Variants in RBMS3 observed in about 807,000 individuals in gnomAD.
RBMS3 encodes RNA-binding motif, single-stranded-interacting protein 3.
In RBMS3, 27 loss-of-function variants were observed where a neutral mutation model predicts 66.8. The ratio of observed to expected loss-of-function variants is 0.40; its 90% CI spans 0.30 to 0.56. The LOEUF (loss-of-function observed/expected upper bound fraction) is 0.56, where lower values mean the gene tolerates loss of function less well. RBMS3 is among the 20% of genes least tolerant of loss of function. The pLI is 0.40. For synonymous variants in RBMS3, 188 were observed against 183.0 expected, an observed-to-expected ratio of 1.03 and a Z score of -0.22; for missense variants, 513 against 549.5, an observed-to-expected ratio of 0.93 and a Z score of 0.66.
intron 1 of RBMS3, among the ~76,000 whole-genome samples, chr3:29,332,579 A>G (rs2035726613): frequency 6.6e-6 from 1 of 152,188 alleles, no homozygotes; most frequent in African/African-American, 2.4e-5. Context: ...AATTTGGAAC[A>G]GCACCCTCAA....
At chr3:29,736,615 G>A (rs1416624904) in intron 4 of RBMS3, among the ~76,000 whole-genome samples, 1 of 152,138 alleles carries the variant, frequency 6.6e-6, no homozygotes, top group African/African-American at 2.4e-5. Context: ...ATGTGCTGTG[G>A]CCCACTCATT....
chr3:29,386,626 A>C (rs934463318), intron 1 of RBMS3, among the ~76,000 whole-genome samples: 1 of 152,028 alleles, frequency 6.6e-6, no homozygotes, highest in Non-Finnish European at 1.5e-5. Context: ...TTCCTTTTCA[A>C]CTGAATTATT....
chr3:29,414,832 A>G (rs936530921), intron 1 of RBMS3, among the ~76,000 whole-genome samples: 4 of 152,206 alleles, frequency 2.6e-5, no homozygotes, highest in Non-Finnish European at 4.4e-5. Flanking sequence ...AGAATATGCC[A>G]CGTTTAGGGC....
intron 10 of RBMS3, among the ~76,000 whole-genome samples, chr3:29,931,434 CAAAGTT>C (rs1324183477): frequency 6.6e-6 from 1 of 152,134 alleles, no homozygotes; most frequent in African/African-American, 2.4e-5. Context: ...AAAATGCTTA[CAAAGTT>C]AAAGGCTACC....
chr3:29,293,448 G>A (rs1188556619), intron 1 of RBMS3, among the ~76,000 whole-genome samples: 2 of 151,792 alleles, frequency 1.3e-5, no homozygotes, highest in East Asian at 1.9e-4. Context: ...GAGGGTATGG[G>A]TGCAGTCATG....
chr3:29,935,865 G>T (rs1362633761), intron 10 of RBMS3, among the ~76,000 whole-genome samples: 1 of 152,012 alleles, frequency 6.6e-6, no homozygotes, highest in Non-Finnish European at 1.5e-5. Context: ...CACATCACAG[G>T]TAAATTACCT....
Position 29,956,295 on chromosome 3 carries a change from C to G in RBMS3, c.1098+12041C>G, listed in dbSNP as rs115644218. ...CACCTGCCATCTCTGTGGATCAAATCTTGTGAGTTTTTCTGATTTTCACAC... is the reference window on the plus strand; with the variant it reads ...CACCTGCCATCTCTGTGGATCAAATGTTGTGAGTTTTTCTGATTTTCACAC... On this transcript the variant is annotated intron_variant, in intron 12 of 14. Coordinates refer to ENST00000383767, the MANE Select transcript of RBMS3 (RefSeq NM_001003793.3). Among the ~76,000 whole-genome samples, 476 of 152,206 alleles carry G rather than the reference C, an allele frequency of 3.1e-3. 1 individual carries two copies. The highest frequency in any genetic ancestry group is 0.011 in the African/African-American group (457 of 41,560).
chr3:29,897,508 T>C (rs1420643992), intron 9 of RBMS3, 33 bp downstream of exon 9: 6 of 1,576,348 alleles, frequency 3.8e-6, no homozygotes, highest in Middle Eastern at 1.7e-4. Flanking sequence ...TTAGGAGATA[T>C]CTTTCTTGCA....
intron 6 of RBMS3, among the ~76,000 whole-genome samples, chr3:29,796,344 T>C (rs2057186315): frequency 6.6e-6 from 1 of 152,194 alleles, no homozygotes; most frequent in South Asian, 2.1e-4. Context: ...TCTTGAACCC[T>C]TTAATGTCAT....
At chr3:29,847,760 A>G (rs1421964299) in intron 6 of RBMS3, among the ~76,000 whole-genome samples, 2 of 151,786 alleles carry the variant, frequency 1.3e-5, no homozygotes, top group East Asian at 3.9e-4. Context: ...GGTTCACGCC[A>G]TTCTCCTGCC....
chr3:29,694,852 A>AGTT (rs2052191473), intron 4 of RBMS3, among the ~76,000 whole-genome samples: 2 of 140,788 alleles, frequency 1.4e-5, no homozygotes, highest in Non-Finnish European at 3.1e-5. Flanking sequence ...CTGCATGCAA[A>AGTT]TTTTTTTTTA....
chr3:29,712,326 A>G (rs2149307968), intron 4 of RBMS3, among the ~76,000 whole-genome samples: 1 of 151,720 alleles, frequency 6.6e-6, no homozygotes, highest in Admixed American at 6.6e-5. Context: ...TATTATTATT[A>G]TTTTGAGACA....
chr3:29,525,225 T>A (rs11920020), intron 3 of RBMS3, among the ~76,000 whole-genome samples: 1,689 of 152,258 alleles, frequency 0.011, 32 homozygotes, highest in African/African-American at 0.038. Context: ...AGCTTTCTTC[T>A]AGTTGGGTTC....
intron 12 of RBMS3, among the ~76,000 whole-genome samples, chr3:29,948,737 ATCTT>A (rs1695485299): frequency 6.6e-6 from 1 of 151,772 alleles, no homozygotes; most frequent in African/African-American, 2.4e-5. Context: ...CTACAAAACT[ATCTT>A]TCTTTACATG....
intron 4 of RBMS3, among the ~76,000 whole-genome samples, chr3:29,652,971 A>G (rs2050196044): frequency 6.6e-6 from 1 of 152,220 alleles, no homozygotes; most frequent in Non-Finnish European, 1.5e-5. Context: ...CAGATTTTAT[A>G]TCAATGGTAA....
intron 1 of RBMS3, among the ~76,000 whole-genome samples, chr3:29,411,813 T>C (rs942586093): frequency 1.6e-4 from 24 of 152,178 alleles, no homozygotes; most frequent in Admixed American, 1.4e-3. Flanking sequence ...CACTCACAAA[T>C]AGCAACTGAA....
chr3:29,582,387 T>G (rs551371131), intron 3 of RBMS3, among the ~76,000 whole-genome samples: 2 of 152,346 alleles, frequency 1.3e-5, no homozygotes, highest in South Asian at 4.1e-4. Context: ...ATTGCTCTAC[T>G]TCCCGCTAAT....
chr3:29,858,720 T>C (rs188988442), intron 6 of RBMS3, among the ~76,000 whole-genome samples: 2 of 152,378 alleles, frequency 1.3e-5, no homozygotes, highest in Admixed American at 1.3e-4. Context: ...AACAATAGCG[T>C]TACATTATTC....
At chr3:29,599,614 C>T (rs1415181260) in intron 4 of RBMS3, among the ~76,000 whole-genome samples, 2 of 151,968 alleles carry the variant, frequency 1.3e-5, no homozygotes, top group Non-Finnish European at 2.9e-5. Flanking sequence ...AAAAGACACA[C>T]GTCCACAGGT....
Sources: allele counts gnomAD v4.1 joint callset (sites outside exome capture counted in the v4.1 genomes callset), GRCh38; gene constraint gnomAD v4.1.1; transcripts MANE v1.5; gene names NCBI Gene and HGNC (gene_info 2026-07-23, HGNC 2026-07-21).